The following ZNF292 variants were observed in gnomAD, a reference collection of about 807,000 sequenced individuals.
The protein encoded by ZNF292 is zinc finger protein 292.
In ZNF292, 26 loss-of-function variants were observed where a neutral mutation model predicts 217.9. The ratio of observed to expected loss-of-function variants is 0.12; its 90% CI spans 0.09 to 0.17. The LOEUF (loss-of-function observed/expected upper bound fraction) is 0.17, where lower values mean the gene tolerates loss of function less well. Among genes scored for constraint, ZNF292 ranks in the 10% least tolerant of loss-of-function variants. The pLI, the probability that ZNF292 is intolerant of heterozygous loss-of-function variation, is 1.00. For synonymous variants in ZNF292, 1,257 were observed against 1,124.1 expected (o/e 1.12, Z -2.37); for missense variants, 2,904 against 3,175.2 (o/e 0.91, Z 2.05).
chr6:87,263,231 G>A lies in ZNF292; in HGVS notation c.*1430G>A, dbSNP rs545732253. 4 of 152,036 alleles carry A rather than the reference G, an allele frequency of 2.6e-5. No homozygotes were observed. The highest frequency in any genetic ancestry group is 9.7e-5 in the African/African-American group (4 of 41,428). The allele number at this position is 152,036 out of a possible 1,614,324, so 9.4% of individuals were successfully genotyped here. ...TTCATTTAAAGTCCAACTAAAATCA[G>A]TAGTAGAAACATAAGAAAACATCTT... On this transcript the variant is annotated 3_prime_UTR_variant, in exon 8 of 8. Transcript: ENST00000369577.
At chr6:87,205,399 T>C (rs533087098) in intron 1 of ZNF292, among the ~76,000 whole-genome samples, 4 of 152,222 alleles carry the variant, frequency 2.6e-5, no homozygotes, top group African/African-American at 9.6e-5. Context: ...TCTATAAAAA[T>C]TGTATGATAA....
chr6:87,194,254 AAAATT>A (rs1423550190), intron 1 of ZNF292, among the ~76,000 whole-genome samples: 1 of 152,200 alleles, frequency 6.6e-6, no homozygotes, highest in Non-Finnish European at 1.5e-5. Context: ...TAGAAGGAAT[AAAATT>A]AAATGTGAAT....
intron 5 of ZNF292, among the ~76,000 whole-genome samples, chr6:87,242,322 C>G (rs543557490): frequency 6.6e-6 from 1 of 152,160 alleles, no homozygotes; most frequent in Non-Finnish European, 1.5e-5. Context: ...ATGTTGAACA[C>G]ACGATTTTTT....
intron 1 of ZNF292, among the ~76,000 whole-genome samples, chr6:87,211,915 A>G (rs932113812): frequency 1.3e-5 from 2 of 152,166 alleles, no homozygotes; most frequent in Non-Finnish European, 2.9e-5. Flanking sequence ...AAATATAAAT[A>G]TATGTGTATA....
chr6:87,206,216 A>G (rs1188123375), intron 1 of ZNF292, among the ~76,000 whole-genome samples: 6 of 152,210 alleles, frequency 3.9e-5, no homozygotes, highest in Non-Finnish European at 4.4e-5. Flanking sequence ...TGGTCAGAAC[A>G]GGTCACATGG....
intron 1 of ZNF292, among the ~76,000 whole-genome samples, chr6:87,186,886 CTG>C (rs1001526244): frequency 2.0e-5 from 3 of 152,182 alleles, no homozygotes; most frequent in South Asian, 4.1e-4. Context: ...TAAAGTTTCT[CTG>C]AACGCGTGAA....
rs141414268 is a variant in ZNF292, at chr6:87,262,067, A to G, written c.*266A>G. ...TTTCTATCACCCAGTTGCCCTTTTC[A>G]TGAACTAAACAATTATCTGTGTGAT... On this transcript the variant is annotated 3_prime_UTR_variant, in exon 8 of 8. Transcript: ENST00000369577. 5 of 243,144 alleles carry G rather than the reference A, an allele frequency of 2.1e-5. No individual in the cohort carries two copies. The highest frequency in any genetic ancestry group is 4.5e-5 in the African/African-American group (2 of 44,582). The allele number at this position is 243,144 out of a possible 1,614,324, so 15.1% of individuals were successfully genotyped here.
At chr6:87,221,193 G>A (rs938735107) in intron 4 of ZNF292, among the ~76,000 whole-genome samples, 1 of 152,054 alleles carries the variant, frequency 6.6e-6, no homozygotes, top group Admixed American at 6.6e-5. Flanking sequence ...AAAGATACTG[G>A]TTTCACTTCA....
Position 87,257,415 on chromosome 6 carries a change from C to T in ZNF292, c.3786C>T (p.Phe1262=), listed in dbSNP as rs1280666841. ...PLNIDSGSDP[F]LPLPAESSSM... is the part of the protein sequence containing the mutation. ...ATATTGACAGTGGCTCAGATCCTTT[C>T]CTTCCTTTACCTGCAGAAAGTAGTT... The change falls in exon 8 of 8, where the codon TTC becomes TTT. Residue 1262 remains phenylalanine, a synonymous_variant. Transcript: ENST00000369577. 2.5e-6 allele frequency: 4 copies of T among 1,613,538 alleles called. 1 individual carries two copies. In the South Asian group the frequency reaches 3.3e-5, roughly 13 times the overall value.
chr6:87,156,584 C>G (rs975587572), intron 1 of ZNF292, among the ~76,000 whole-genome samples: 4 of 152,218 alleles, frequency 2.6e-5, no homozygotes, highest in African/African-American at 9.6e-5. Context: ...CCGATCACCC[C>G]CTCACCCCTG....
intron 1 of ZNF292, among the ~76,000 whole-genome samples, chr6:87,158,849 T>G (rs1328673686): frequency 6.6e-6 from 1 of 152,214 alleles, no homozygotes; most frequent in African/African-American, 2.4e-5. Context: ...ACCTTGAGAT[T>G]ATTATTTAAC....
chr6:87,216,162 T>C, intron 2 of ZNF292, 105 bp downstream of exon 2: 1 of 1,289,668 alleles, frequency 7.8e-7, no homozygotes, highest in Non-Finnish European at 1.1e-6. Context: ...CACACAACAT[T>C]AAATCTCAAG....
intron 1 of ZNF292, among the ~76,000 whole-genome samples, chr6:87,181,314 T>C (rs1202233483): frequency 2.6e-5 from 4 of 152,096 alleles, no homozygotes; most frequent in Non-Finnish European, 5.9e-5. Context: ...GTGGGGGATA[T>C]AATCTTCCCC....
At chr6:87,206,161 G>A (rs912264236) in intron 1 of ZNF292, among the ~76,000 whole-genome samples, 2 of 152,130 alleles carry the variant, frequency 1.3e-5, no homozygotes, top group Admixed American at 1.3e-4. Flanking sequence ...AAAACAAGAT[G>A]CTTAAACTTA....
Position 87,216,033 on chromosome 6 carries a change from C to G in ZNF292, c.299C>G (p.Ala100Gly). The G allele has an allele frequency of 1.9e-6, 3 of 1,567,882 alleles. No individual in the cohort carries two copies. The highest frequency in any genetic ancestry group is 2.6e-6 in the Non-Finnish European group (3 of 1,164,154). The change falls in exon 2 of 8, where the codon GCC (alanine) becomes GGC (glycine). Residue 100 changes from alanine to glycine, a missense_variant. Coordinates refer to ENST00000369577, the MANE Select transcript of ZNF292 (RefSeq NM_015021.3). ...CTTACCTCTGAATGTGAAAATGTAG[C>G]CTTGGTTCTGGAACGCTTGGCATTG... ...PYLTSECENV[A>G]LVLERLALSC...
chr6:87,250,614 G>A lies in ZNF292; in HGVS notation c.1021-4036G>A, dbSNP rs116113318. 3.6e-3 allele frequency among the ~76,000 whole-genome samples: 552 copies of A among 152,286 alleles called. 2 individuals are homozygous for A. The highest frequency in any genetic ancestry group is 0.013 in the African/African-American group (531 of 41,564). On this transcript the variant is annotated intron_variant, in intron 7 of 7. Coordinates refer to ENST00000369577, the MANE Select transcript of ZNF292 (RefSeq NM_015021.3). The stretch of plus-strand genomic sequence containing the variant: ...TAAATTATGTGAGAAGATGTCCATA[G>A]TTTGTATGCAAATACTATGCCATTT...
chr6:87,224,459 AC>A lies in ZNF292; in HGVS notation c.538+5729del, dbSNP rs534419706. On this transcript the variant is annotated intron_variant, in intron 4 of 7. Transcript: ENST00000369577. ...GTAGTTTCACTCCCTAAAAAAAAAA[AC>A]AACAAAAAAACTGTGTTTCATCTAT... Among the ~76,000 whole-genome samples the A allele has an allele frequency of 5.8e-3, 876 of 151,380 alleles. 3 individuals are homozygous for A. Among genetic ancestry groups the A allele is most frequent in the African/African-American group, 0.013 (545 of 41,270 alleles).
chr6:87,178,966 T>C (rs1048759773), intron 1 of ZNF292, among the ~76,000 whole-genome samples: 1 of 152,136 alleles, frequency 6.6e-6, no homozygotes, highest in African/African-American at 2.4e-5. Context: ...CTTTATTCTA[T>C]ATTAGTGGGA....
chr6:87,237,957 T>C, intron 5 of ZNF292, among the ~76,000 whole-genome samples: 1 of 152,226 alleles, frequency 6.6e-6, no homozygotes, highest in East Asian at 1.9e-4. Context: ...TTTACTACTT[T>C]GTATATGACT....
Sources: allele counts gnomAD v4.1 joint callset (sites outside exome capture counted in the v4.1 genomes callset), GRCh38; gene constraint gnomAD v4.1.1; transcripts MANE v1.5; gene names NCBI Gene and HGNC (gene_info 2026-07-23, HGNC 2026-07-21).